DRC11: variants seen among roughly 807,000 people sequenced by gnomAD.
The protein encoded by DRC11 is dynein regulatory complex subunit 11, also known as IQ and AAA domain-containing protein 1.
chr2:236,391,984 T>C, the DRC11 span: 14 of 1,613,936 alleles, frequency 8.7e-6, no homozygotes, highest in Non-Finnish European at 1.2e-5. This position sits in a 1 kb window ranked among gnomAD's most constrained non-coding sequence, Gnocchi z 4.5. Flanking sequence ...ACCTTGTCCT[T>C]TTTCTTTCCT....
At chr2:236,331,783 A>G in the DRC11 span, 1 of 592,798 alleles carries the variant, frequency 1.7e-6, no homozygotes, top group Non-Finnish European at 3.0e-6. This position sits in a 1 kb window ranked among gnomAD's most constrained non-coding sequence, Gnocchi z 4.8. Flanking sequence ...ATTTTCAACC[A>G]TAAGCCATAC....
chr2:236,416,737 A>ATATATATATATATATATTTT, the DRC11 span, among the ~76,000 whole-genome samples: 1 of 52,178 alleles, frequency 1.9e-5, no homozygotes, highest in African/African-American at 7.5e-5. Context: ...ATATATATAT[A>ATATATATATATATATATTTT]TATATATATA....
the DRC11 span, chr2:236,391,860 CGTG>C: frequency 1.3e-6 from 1 of 788,364 alleles, no homozygotes; most frequent in Non-Finnish European, 2.2e-6. The surrounding 1 kb of genome is among the most constrained non-coding windows in gnomAD (Gnocchi z 4.5). Context: ...CATGTTTCCC[CGTG>C]AGGTGTCCTG....
At chr2:236,321,849 G>A in the DRC11 span, among the ~76,000 whole-genome samples, 2 of 152,150 alleles carry the variant, frequency 1.3e-5, no homozygotes, top group Admixed American at 1.3e-4. Context: ...GGCACAGAGG[G>A]TGGGGGGGAA....
the DRC11 span, among the ~76,000 whole-genome samples, chr2:236,421,580 C>A: frequency 6.6e-6 from 1 of 152,066 alleles, no homozygotes; most frequent in Non-Finnish European, 1.5e-5. Flanking sequence ...AGCTTACCAA[C>A]CAAAAAAAGT....
At chr2:236,368,450 C>T in the DRC11 span, 1 of 591,946 alleles carries the variant, frequency 1.7e-6, no homozygotes, top group East Asian at 2.8e-5. Context: ...ATGAAGAACA[C>T]ATCTTTTCTC....
chr2:236,367,487 C>T, the DRC11 span: 1 of 151,698 alleles, frequency 6.6e-6, no homozygotes, highest in African/African-American at 2.4e-5. This position sits in a 1 kb window ranked among gnomAD's most constrained non-coding sequence, Gnocchi z 4.8. Flanking sequence ...AATTAAAAAC[C>T]CAGAAGGTGA....
the DRC11 span, chr2:236,399,613 C>T: frequency 1.4e-6 from 1 of 739,870 alleles, no homozygotes. This position sits in a 1 kb window ranked among gnomAD's most constrained non-coding sequence, Gnocchi z 7.0. Context: ...CTGGGCAGTG[C>T]CCCTCTGGCC....
chr2:236,321,751 T>A, the DRC11 span, among the ~76,000 whole-genome samples: 2 of 152,174 alleles, frequency 1.3e-5, no homozygotes, highest in African/African-American at 4.8e-5. Context: ...GCTCCCTTTC[T>A]AGCCTCATGC....
chr2:236,348,493 A>C, the DRC11 span, among the ~76,000 whole-genome samples: 5 of 152,226 alleles, frequency 3.3e-5, no homozygotes, highest in Non-Finnish European at 7.3e-5. The surrounding 1 kb of genome is among the most constrained non-coding windows in gnomAD (Gnocchi z 7.4). Flanking sequence ...ACAAAAACAC[A>C]TGCTTGGAAG....
At chr2:236,416,757 AT>A in the DRC11 span, among the ~76,000 whole-genome samples, 136 of 86,394 alleles carry the variant, frequency 1.6e-3, no homozygotes, top group African/African-American at 5.6e-3. Flanking sequence ...ATATATATAT[AT>A]ATATATATAT....
the DRC11 span, among the ~76,000 whole-genome samples, chr2:236,320,766 C>T: frequency 6.6e-6 from 1 of 152,186 alleles, no homozygotes; most frequent in African/African-American, 2.4e-5. Context: ...CATAATGGCC[C>T]AGGGCGGCTG....
chr2:236,413,625 C>T, the DRC11 span, among the ~76,000 whole-genome samples: 4 of 152,206 alleles, frequency 2.6e-5, no homozygotes, highest in Admixed American at 2.6e-4. This position sits in a 1 kb window ranked among gnomAD's most constrained non-coding sequence, Gnocchi z 4.0. Context: ...TCTGCTGGCA[C>T]TGCAGATAAA....
At chr2:236,326,554 CTTTT>C in the DRC11 span, among the ~76,000 whole-genome samples, 1 of 151,972 alleles carries the variant, frequency 6.6e-6, no homozygotes, top group Non-Finnish European at 1.5e-5. Flanking sequence ...AGCTTTCTTT[CTTTT>C]TCTTTGCAAT....
At chr2:236,391,865 G>A in the DRC11 span, 1 of 812,628 alleles carries the variant, frequency 1.2e-6, no homozygotes, top group Non-Finnish European at 2.1e-6. This position sits in a 1 kb window ranked among gnomAD's most constrained non-coding sequence, Gnocchi z 4.5. Flanking sequence ...TTCCCCGTGA[G>A]GTGTCCTGGC....
the DRC11 span, among the ~76,000 whole-genome samples, chr2:236,503,061 T>G: frequency 6.6e-6 from 1 of 152,098 alleles, no homozygotes; most frequent in Non-Finnish European, 1.5e-5. This position sits in a 1 kb window ranked among gnomAD's most constrained non-coding sequence, Gnocchi z 4.9. Flanking sequence ...TATAAATAAA[T>G]CTAGTAATAA....
chr2:236,375,888 G>A, the DRC11 span, among the ~76,000 whole-genome samples: 1 of 152,192 alleles, frequency 6.6e-6, no homozygotes. This position sits in a 1 kb window ranked among gnomAD's most constrained non-coding sequence, Gnocchi z 4.2. Context: ...AACTGCTACA[G>A]CAATAACTGA....
chr2:236,370,294 C>T, the DRC11 span, among the ~76,000 whole-genome samples: 1 of 152,220 alleles, frequency 6.6e-6, no homozygotes. The surrounding 1 kb of genome is among the most constrained non-coding windows in gnomAD (Gnocchi z 5.5). Context: ...CATCCAGCCA[C>T]TTGCTTAATG....
the DRC11 span, among the ~76,000 whole-genome samples, chr2:236,431,821 C>G: frequency 1.3e-5 from 2 of 152,182 alleles, no homozygotes; most frequent in African/African-American, 4.8e-5. The surrounding 1 kb of genome is among the most constrained non-coding windows in gnomAD (Gnocchi z 4.2). Context: ...TTTTACCTAT[C>G]TATTCCCCAG....
Sources: gnomAD v4.1 joint callset for allele counts (sites outside exome capture counted in the v4.1 genomes callset) on GRCh38, gnomAD v4.1.1 for gene constraint, Gnocchi (gnomAD v3.1) non-coding constraint, MANE v1.5 for transcripts, NCBI Gene and HGNC (gene_info 2026-07-23, HGNC 2026-07-21) for gene names.